CORIN: variants seen among roughly 807,000 people sequenced by gnomAD.
CORIN encodes atrial natriuretic peptide-converting enzyme.
A neutral mutation model predicts 125.3 loss-of-function variants in CORIN; 117 were observed. The ratio of observed to expected loss-of-function variants is 0.93; its 90% confidence interval spans 0.80 to 1.09. CORIN has a LOEUF of 1.09. Among genes scored for constraint, CORIN ranks in the 50% least tolerant of loss-of-function variants. The probability of loss-of-function intolerance (pLI) is 0.00; values close to 1 mark genes in which losing one functional copy is unlikely to be tolerated. For missense variants in CORIN, 1,253 were observed against 1,306.7 expected, an observed-to-expected ratio of 0.96 and a Z score of 0.63; for synonymous variants, 450 against 466.4, an observed-to-expected ratio of 0.96 and a Z score of 0.45.
At chr4:47,642,873 A>C (rs572290508) in intron 15 of CORIN, 29 of 1,461,394 alleles carry the variant, frequency 2.0e-5, no homozygotes, top group Admixed American at 5.3e-5. Flanking sequence ...AAGAGTTTTT[A>C]AATCCTCTCC....
In CORIN at chr4:47,744,425, G is replaced by A; in HGVS notation, c.776C>T (p.Pro259Leu). The A allele has an allele frequency of 6.2e-7, 1 of 1,613,722 alleles. No homozygotes were observed. Among genetic ancestry groups the A allele is most frequent in the South Asian group, 1.1e-5 (1 of 90,968 alleles). The change falls in exon 5 of 22, where the codon CCT becomes CTT. Residue 259 changes from proline to leucine, a missense_variant. Transcript: ENST00000273857. ...ACATTGCTTTCCGTTTTCCTGCTGA[G>A]GTGAGAAGCAAATTCTGCTGACATT... Reference protein sequence around the residue: ...SSNVSRICFSPQQENGKQLLC... With the variant: ...SSNVSRICFSLQQENGKQLLC...
At chr4:47,596,010 G>A (rs1721235805) in intron 21 of CORIN, 107 bp from the exon 22 acceptor site, 1 of 844,512 alleles carries the variant, frequency 1.2e-6, no homozygotes, top group Non-Finnish European at 1.7e-6. Flanking sequence ...AACCAACTTG[G>A]AAAGTTTCAA....
chr4:47,605,365 A>T (rs1050188675), intron 19 of CORIN, among the ~76,000 whole-genome samples: 1 of 152,118 alleles, frequency 6.6e-6, no homozygotes, highest in Non-Finnish European at 1.5e-5. Context: ...CTCAACAAGT[A>T]CCTATTTAAT....
chr4:47,680,532 G>T (rs1725229466), intron 7 of CORIN: 3 of 289,946 alleles, frequency 1.0e-5, no homozygotes, highest in South Asian at 5.3e-5. Context: ...GTTGGCTTTT[G>T]TTTTCTTTAG....
At chr4:47,746,980 T>C (rs1728692627) in intron 4 of CORIN, among the ~76,000 whole-genome samples, 1 of 152,118 alleles carries the variant, frequency 6.6e-6, no homozygotes, top group Admixed American at 6.5e-5. Flanking sequence ...GTAAATACAT[T>C]TGTGCTTTCT....
In CORIN at chr4:47,655,478, T is replaced by C. The variant is rs554983981; in HGVS notation, c.1736-1818A>G. Among the ~76,000 whole-genome samples the C allele has an allele frequency of 4.6e-5, 7 of 152,268 alleles. No homozygotes were observed. The East Asian group carries it at 1.4e-3, about 29-fold the overall frequency. On this transcript the variant is annotated intron_variant, in intron 12 of 21. Coordinates refer to ENST00000273857, the MANE Select transcript of CORIN (RefSeq NM_006587.4). ...AGTGAGAGTCCCAGGCCTGGCAGCA[T>C]TCACCACAGACTGACTGAAGAACCC...
intron 6 of CORIN, among the ~76,000 whole-genome samples, chr4:47,687,331 G>A (rs1378857088): frequency 6.6e-6 from 1 of 152,136 alleles, no homozygotes; most frequent in Non-Finnish European, 1.5e-5. Context: ...TATTTGACCT[G>A]GAAAGAGATG....
At chr4:47,772,514 A>T (rs1730094218) in intron 3 of CORIN, among the ~76,000 whole-genome samples, 1 of 152,228 alleles carries the variant, frequency 6.6e-6, no homozygotes, top group Admixed American at 6.5e-5. Context: ...TGAATGAATG[A>T]TAACAATAAT....
At chr4:47,761,506 C>CAT (rs1352087650) in intron 4 of CORIN, among the ~76,000 whole-genome samples, 19 of 151,702 alleles carry the variant, frequency 1.3e-4, no homozygotes, top group African/African-American at 4.6e-4. Flanking sequence ...CACACACACA[C>CAT]ACATATACAC....
intron 16 of CORIN, among the ~76,000 whole-genome samples, chr4:47,637,909 A>G (rs988203234): frequency 2.0e-5 from 3 of 152,184 alleles, no homozygotes; most frequent in East Asian, 1.9e-4. Context: ...AGCTTGCACC[A>G]TATGCCTGGA....
chr4:47,610,696 G>T (rs957773894), intron 19 of CORIN, among the ~76,000 whole-genome samples: 2 of 152,102 alleles, frequency 1.3e-5, no homozygotes, highest in Non-Finnish European at 2.9e-5. Context: ...TATTCCCTAG[G>T]TTTTCTTCTA....
chr4:47,637,499 C>A (rs949864314), intron 16 of CORIN, among the ~76,000 whole-genome samples: 2 of 152,200 alleles, frequency 1.3e-5, no homozygotes, highest in African/African-American at 4.8e-5. Flanking sequence ...GACCAGGGTC[C>A]TTGTGCTGTG....
chr4:47,606,471 C>G (rs1469025639), intron 19 of CORIN, among the ~76,000 whole-genome samples: 1 of 152,112 alleles, frequency 6.6e-6, no homozygotes, highest in Non-Finnish European at 1.5e-5. Context: ...GTTGCCCAAG[C>G]TGGTCTTGAA....
At chr4:47,747,110 A>G (rs1728697858) in intron 4 of CORIN, among the ~76,000 whole-genome samples, 1 of 152,024 alleles carries the variant, frequency 6.6e-6, no homozygotes, top group Non-Finnish European at 1.5e-5. Flanking sequence ...CCTTGTGATC[A>G]CCCCGATGCC....
intron 16 of CORIN, among the ~76,000 whole-genome samples, chr4:47,634,500 G>C (rs943211345): frequency 6.6e-6 from 1 of 152,116 alleles, no homozygotes; most frequent in African/African-American, 2.4e-5. Flanking sequence ...CAGGCATGGT[G>C]GTGAGTGCCT....
chr4:47,663,256 G>A (rs772026203), intron 11 of CORIN, among the ~76,000 whole-genome samples: 24 of 152,180 alleles, frequency 1.6e-4, no homozygotes, highest in Non-Finnish European at 3.1e-4. Flanking sequence ...TTTTGAGTAC[G>A]CTACAGCATA....
chr4:47,680,503 G>A (rs965336098), intron 7 of CORIN: 15 of 379,182 alleles, frequency 4.0e-5, no homozygotes, highest in East Asian at 2.7e-4. Context: ...CCCAGGACCC[G>A]TAGTTTGTTC....
chr4:47,796,172 A>AG (rs2109933660), intron 2 of CORIN, among the ~76,000 whole-genome samples: 1 of 152,254 alleles, frequency 6.6e-6, no homozygotes, highest in Admixed American at 6.5e-5. Context: ...TGTTCCGTGC[A>AG]GCATTATTCA....
chr4:47,802,256 G>A (rs1731575325), intron 2 of CORIN, among the ~76,000 whole-genome samples: 1 of 152,176 alleles, frequency 6.6e-6, no homozygotes, highest in Non-Finnish European at 1.5e-5. Context: ...ACTCTCTCTG[G>A]CACCTGAGGT....
Sources: allele counts gnomAD v4.1 joint callset (sites outside exome capture counted in the v4.1 genomes callset), GRCh38; gene constraint gnomAD v4.1.1; transcripts MANE v1.5; gene names NCBI Gene and HGNC (gene_info 2026-07-23, HGNC 2026-07-21).